The following FAAH2 variants were observed in gnomAD, a reference collection of about 807,000 sequenced individuals.
FAAH2 encodes the protein fatty acid amide hydrolase 2, also known as fatty-acid amide hydrolase 2.
Under a neutral mutation model 36.9 loss-of-function variants are expected in FAAH2, and 60 were observed. The observed-to-expected ratio is 1.63, with a 90% CI of 1.32 to 2.02. FAAH2 has a LOEUF of 2.02. Ranked by LOEUF, FAAH2 falls within the 30% of genes most tolerant of loss-of-function variation. FAAH2 has a pLI of 0.00. For synonymous variants in FAAH2, 214 were observed against 143.8 expected (o/e 1.49, Z -3.49); for missense variants, 689 against 397.5 (o/e 1.73, Z -6.23).
intron 10 of FAAH2, among the ~76,000 whole-genome samples, chrX:57,458,506 A>T (rs1328441662): frequency 9.0e-6 from 1 of 111,218 alleles, no homozygotes; most frequent in East Asian, 2.8e-4. Flanking sequence ...AAAAACAAAA[A>T]AATCCTAGAA....
chrX:57,271,696 A>T, the FAAH2 span, among the ~76,000 whole-genome samples: 1 of 112,169 alleles, frequency 8.9e-6, no homozygotes, highest in Non-Finnish European at 1.9e-5. Flanking sequence ...AAGGAAAATA[A>T]ACAAACAGAA....
the FAAH2 span, among the ~76,000 whole-genome samples, chrX:57,246,078 C>T: frequency 8.9e-6 from 1 of 111,846 alleles, no homozygotes; most frequent in Non-Finnish European, 1.9e-5. Flanking sequence ...AAACTTCCAT[C>T]AGAGAATACT....
chrX:57,419,721 A>G (rs1292631813), intron 7 of FAAH2, among the ~76,000 whole-genome samples: 1 of 111,745 alleles, frequency 8.9e-6, no homozygotes, highest in African/African-American at 3.3e-5. Flanking sequence ...TCTTGAGTTT[A>G]ATTAGATCCC....
the FAAH2 span, among the ~76,000 whole-genome samples, chrX:57,126,054 G>T: frequency 1.8e-5 from 2 of 112,061 alleles, no homozygotes. Context: ...TTAAAAAAGA[G>T]GCCAGACAAC....
At chrX:57,322,417 T>C (rs1263876776) in intron 3 of FAAH2, among the ~76,000 whole-genome samples, 1 of 111,886 alleles carries the variant, frequency 8.9e-6, no homozygotes, top group Non-Finnish European at 1.9e-5. Flanking sequence ...CCTTTCTCTC[T>C]AGCCTTTAAC....
chrX:57,419,131 G>T (rs2055934459), intron 7 of FAAH2, among the ~76,000 whole-genome samples: 1 of 109,046 alleles, frequency 9.2e-6, no homozygotes, highest in Non-Finnish European at 1.9e-5. Flanking sequence ...TGGACATTTG[G>T]GTTGGTTCCA....
the FAAH2 span, among the ~76,000 whole-genome samples, chrX:57,242,083 C>A: frequency 1.8e-5 from 2 of 112,842 alleles, no homozygotes; most frequent in African/African-American, 6.4e-5. Context: ...GGAGGATTCT[C>A]CCAGCACAGA....
the FAAH2 span, among the ~76,000 whole-genome samples, chrX:57,276,260 T>C: frequency 8.9e-6 from 1 of 112,000 alleles, no homozygotes; most frequent in Non-Finnish European, 1.9e-5. Flanking sequence ...GAATTCGGGA[T>C]TAAGAAACTC....
At chrX:57,157,462 A>G in the FAAH2 span, among the ~76,000 whole-genome samples, 1 of 111,611 alleles carries the variant, frequency 9.0e-6, no homozygotes, top group East Asian at 2.8e-4. Context: ...CATGGGCACC[A>G]GTAGAAGTCT....
At chrX:57,260,118 A>T in the FAAH2 span, among the ~76,000 whole-genome samples, 1 of 111,645 alleles carries the variant, frequency 9.0e-6, no homozygotes, top group African/African-American at 3.2e-5. Context: ...TACTTTAAAA[A>T]CCCTTCAAAA....
chrX:57,385,559 C>A (rs1178703032), intron 7 of FAAH2, among the ~76,000 whole-genome samples: 1 of 111,424 alleles, frequency 9.0e-6, no homozygotes, highest in Non-Finnish European at 1.9e-5. Context: ...CTGCATAAAG[C>A]CTTTGTAAAA....
At chrX:57,220,561 G>A in the FAAH2 span, among the ~76,000 whole-genome samples, 13 of 112,050 alleles carry the variant, frequency 1.2e-4, no homozygotes, top group South Asian at 3.7e-4. Context: ...TCTTAATTTA[G>A]CCTTCAAAGT....
chrX:57,247,864 G>A, the FAAH2 span, among the ~76,000 whole-genome samples: 1 of 112,377 alleles, frequency 8.9e-6, no homozygotes, highest in African/African-American at 3.2e-5. Context: ...ATTACTGAAA[G>A]AGAGTGTTGT....
the FAAH2 span, among the ~76,000 whole-genome samples, chrX:57,184,673 C>T: frequency 8.9e-6 from 1 of 112,307 alleles, no homozygotes. Context: ...CAGAAAACTT[C>T]CATAACTATG....
At chrX:57,176,570 T>A in the FAAH2 span, among the ~76,000 whole-genome samples, 1 of 111,692 alleles carries the variant, frequency 9.0e-6, no homozygotes, top group Non-Finnish European at 1.9e-5. Context: ...CTTCATCTGG[T>A]TTTTCAAAGA....
chrX:57,236,312 A>C, the FAAH2 span, among the ~76,000 whole-genome samples: 2 of 112,359 alleles, frequency 1.8e-5, no homozygotes, highest in African/African-American at 6.5e-5. Context: ...ACAGGAGTGC[A>C]GATATGTTTT....
Position 57,416,817 on chromosome X carries a change from G to A in FAAH2, c.997-15101G>A, listed in dbSNP as rs1602588074. 3.6e-5 allele frequency among the ~76,000 whole-genome samples: 4 copies of A among 112,186 alleles called. 1 individual carries two copies. The Admixed American group carries it at 3.8e-4, about 11-fold the overall frequency. On this transcript the variant is annotated intron_variant, in intron 7 of 10. Coordinates refer to ENST00000374900, the MANE Select transcript of FAAH2 (RefSeq NM_174912.4). The stretch of plus-strand genomic sequence containing the variant: ...AGTTCGTCTTTTAATATTCTGAAGA[G>A]TGTTTTTCAACTTGGTTCCATTCTC...
At chrX:57,363,136 T>A (rs2054326710) in intron 5 of FAAH2, among the ~76,000 whole-genome samples, 1 of 112,042 alleles carries the variant, frequency 8.9e-6, no homozygotes, top group African/African-American at 3.2e-5. Context: ...TTGATGGGGA[T>A]AGCAAGGAAT....
chrX:57,317,131 G>C (rs1471832469), intron 3 of FAAH2, among the ~76,000 whole-genome samples: 1 of 111,439 alleles, frequency 9.0e-6, no homozygotes, highest in Non-Finnish European at 1.9e-5. Flanking sequence ...ACAAATATTT[G>C]AAAAATGCTC....
Sources: allele counts gnomAD v4.1 joint callset (sites outside exome capture counted in the v4.1 genomes callset), GRCh38; gene constraint gnomAD v4.1.1; transcripts MANE v1.5; gene names NCBI Gene and HGNC (gene_info 2026-07-23, HGNC 2026-07-21).